MAML3: variants seen among roughly 807,000 people sequenced by gnomAD.
MAML3 encodes the protein mastermind like transcriptional coactivator 3.
MAML3 carries 27 observed loss-of-function variants against 101.9 expected under a neutral mutation model. The observed-to-expected ratio is 0.27, with a 90% CI of 0.20 to 0.37. The LOEUF (loss-of-function observed/expected upper bound fraction) is 0.37. MAML3 is among the 10% of genes least tolerant of loss of function. The pLI is 1.00. For synonymous variants in MAML3, 501 were observed against 555.9 expected (o/e 0.90, Z 1.39); for missense variants, 1,316 against 1,444.9 (o/e 0.91, Z 1.45).
intron 2 of MAML3, among the ~76,000 whole-genome samples, chr4:139,826,005 C>T (rs368490715): frequency 2.0e-5 from 3 of 152,078 alleles, no homozygotes; most frequent in South Asian, 4.2e-4. Context: ...TGTTTCTTGT[C>T]GGCTTTTCCA....
Position 139,830,666 on chromosome 4 carries a change from G to A in MAML3, c.2079+58691C>T, listed in dbSNP as rs34267965. Among the ~76,000 whole-genome samples the A allele has an allele frequency of 3.7e-3, 558 of 151,902 alleles. 1 individual carries two copies. Among genetic ancestry groups the A allele is most frequent in the East Asian group, 0.02 (104 of 5,158 alleles). On this transcript the variant is annotated intron_variant, in intron 2 of 4. Coordinates refer to ENST00000509479, the MANE Select transcript of MAML3 (RefSeq NM_018717.5). Reference sequence around the variant, plus strand: ...CCTGACCTCGTGATCCGCCCGCCTCGGCCTCCCAAAGTGCTGGGATTACAG... The same window carrying A: ...CCTGACCTCGTGATCCGCCCGCCTCAGCCTCCCAAAGTGCTGGGATTACAG...
intron 1 of MAML3, among the ~76,000 whole-genome samples, chr4:140,108,771 T>C (rs1241986602): frequency 1.3e-5 from 2 of 151,834 alleles, no homozygotes. Flanking sequence ...TAAGTTAAAT[T>C]TGAATACTGA....
At chr4:140,112,141 T>C (rs961509266) in intron 1 of MAML3, among the ~76,000 whole-genome samples, 5 of 151,404 alleles carry the variant, frequency 3.3e-5, no homozygotes, top group African/African-American at 1.2e-4. Flanking sequence ...TCTATATCAG[T>C]ATGGATTTAT....
chr4:139,875,041 G>C (rs1732084792), intron 2 of MAML3, among the ~76,000 whole-genome samples: 1 of 152,054 alleles, frequency 6.6e-6, no homozygotes, highest in African/African-American at 2.4e-5. Context: ...CTGACCTCGT[G>C]ATCTGCCCAC....
chr4:140,024,115 CTAT>C (rs34873658), intron 1 of MAML3, among the ~76,000 whole-genome samples: 38,853 of 151,846 alleles, frequency 0.26, 6,008 homozygotes, highest in Non-Finnish European at 0.35. Flanking sequence ...AAAATAGATA[CTAT>C]TATTATCCAA....
At chr4:139,829,000 AGGAAGGAAGGAAGGAAGGAAGGACGGAC>A (rs1336050291) in intron 2 of MAML3, among the ~76,000 whole-genome samples, 3 of 132,774 alleles carry the variant, frequency 2.3e-5, no homozygotes, top group Non-Finnish European at 4.8e-5. Context: ...GAAGGAAGGA[AGGAAGGAAGGAAGGAAGGAAGGACGGAC>A]GGACGGACTA....
intron 1 of MAML3, among the ~76,000 whole-genome samples, chr4:140,095,804 T>C (rs985694473): frequency 1.3e-5 from 2 of 152,132 alleles, no homozygotes; most frequent in Non-Finnish European, 2.9e-5. Flanking sequence ...CTGTTCAGGC[T>C]CCACCCTCTC....
intron 1 of MAML3, among the ~76,000 whole-genome samples, chr4:140,011,233 C>CATATATATATATATATATATATATATAT (rs70943468): frequency 1.7e-5 from 2 of 119,914 alleles, no homozygotes; most frequent in Admixed American, 8.6e-5. Flanking sequence ...ATAAAGTGTG[C>CATATATATATATATATATATATATATAT]ATATATATAT....
intron 2 of MAML3, among the ~76,000 whole-genome samples, chr4:139,796,862 A>G (rs1383664730): frequency 6.6e-6 from 1 of 152,256 alleles, no homozygotes; most frequent in Non-Finnish European, 1.5e-5. Flanking sequence ...GAATGAATGA[A>G]TGATGACTAC....
chr4:140,073,393 C>T (rs1267474582), intron 1 of MAML3, among the ~76,000 whole-genome samples: 1 of 152,188 alleles, frequency 6.6e-6, no homozygotes, highest in African/African-American at 2.4e-5. Context: ...CCACGTAGGT[C>T]TCCCAAAGTG....
At chr4:139,874,805 C>CT (rs35089838) in intron 2 of MAML3, among the ~76,000 whole-genome samples, 91,317 of 133,026 alleles carry the variant, frequency 0.69, 31,853 homozygotes, top group East Asian at 0.75. Flanking sequence ...CCTATCTTTC[C>CT]TTTTTTTTTT....
At chr4:139,791,266 G>T (rs1390049578) in intron 2 of MAML3, among the ~76,000 whole-genome samples, 1 of 152,174 alleles carries the variant, frequency 6.6e-6, no homozygotes, top group African/African-American at 2.4e-5. Context: ...GGAGGCTGAG[G>T]CAGGTGGATC....
At chr4:139,984,107 G>C (rs1258349915) in intron 1 of MAML3, among the ~76,000 whole-genome samples, 2 of 152,160 alleles carry the variant, frequency 1.3e-5, no homozygotes, top group African/African-American at 2.4e-5. Context: ...GATGAGTTTT[G>C]ATAAAGTCAG....
At chr4:140,088,149 T>C (rs1417723448) in intron 1 of MAML3, among the ~76,000 whole-genome samples, 1 of 151,876 alleles carries the variant, frequency 6.6e-6, no homozygotes, top group Non-Finnish European at 1.5e-5. Flanking sequence ...GCCCAGGAGT[T>C]CGAGGTTATG....
At chr4:139,780,924 T>C (rs10002458) in intron 2 of MAML3, among the ~76,000 whole-genome samples, 19,639 of 152,164 alleles carry the variant, frequency 0.13, 1,325 homozygotes, top group Admixed American at 0.19. Context: ...CCACTGCACC[T>C]GACAAGTGTT....
chr4:140,046,265 T>A (rs933163244), intron 1 of MAML3, among the ~76,000 whole-genome samples: 14 of 152,174 alleles, frequency 9.2e-5, no homozygotes, highest in African/African-American at 3.1e-4. Context: ...TCCTTCAGCG[T>A]AACCACTAGT....
At chr4:140,099,835 G>C (rs1358530273) in intron 1 of MAML3, among the ~76,000 whole-genome samples, 1 of 152,000 alleles carries the variant, frequency 6.6e-6, no homozygotes, top group East Asian at 1.9e-4. Flanking sequence ...TCTCCGACAG[G>C]GTTTTCAGCC....
intron 2 of MAML3, among the ~76,000 whole-genome samples, chr4:139,844,978 TTCTCTCTCTCTGTCTG>T (rs373392076): frequency 3.2e-4 from 49 of 151,984 alleles, no homozygotes; most frequent in African/African-American, 1.2e-3. Flanking sequence ...CTATTTCTCT[TTCTCTCTCTCTGTCTG>T]TCTCTCTCTC....
intron 1 of MAML3, among the ~76,000 whole-genome samples, chr4:139,938,310 G>A (rs982175654): frequency 1.3e-5 from 2 of 152,070 alleles, no homozygotes; most frequent in African/African-American, 2.4e-5. Context: ...AGACCCTACC[G>A]ACCATCTAGC....
Sources: gnomAD v4.1 joint callset for allele counts (sites outside exome capture counted in the v4.1 genomes callset) on GRCh38, gnomAD v4.1.1 for gene constraint, MANE v1.5 for transcripts, NCBI Gene and HGNC (gene_info 2026-07-23, HGNC 2026-07-21) for gene names.